ADGRB3: variants seen among roughly 807,000 people sequenced by gnomAD.
ADGRB3 encodes the protein adhesion G protein-coupled receptor B3, also known as brain-specific angiogenesis inhibitor 3.
ADGRB3 carries 37 observed loss-of-function variants against 193.4 expected under a neutral mutation model. The observed-to-expected ratio is 0.19, with a 90% CI of 0.15 to 0.25. The LOEUF is 0.25. Among genes scored for constraint, ADGRB3 ranks in the 10% least tolerant of loss-of-function variants. The pLI is 1.00. For missense variants in ADGRB3, 1,637 were observed against 1,852.9 expected, an observed-to-expected ratio of 0.88 and a Z score of 2.14; for synonymous variants, 690 against 644.2, an observed-to-expected ratio of 1.07 and a Z score of -1.08.
chr6:68,762,661 T>C (rs547363608), intron 3 of ADGRB3, among the ~76,000 whole-genome samples: 2 of 152,276 alleles, frequency 1.3e-5, no homozygotes, highest in African/African-American at 4.8e-5. Context: ...TGTCATACGA[T>C]ACTTAAGGTC....
intron 17 of ADGRB3, among the ~76,000 whole-genome samples, chr6:69,203,285 G>A (rs3799055): frequency 0.065 from 9,815 of 152,058 alleles, 857 homozygotes; most frequent in African/African-American, 0.19. Flanking sequence ...CATTATCATT[G>A]AGTAAGCTTT....
intron 17 of ADGRB3, among the ~76,000 whole-genome samples, chr6:69,194,203 T>C (rs1582534785): frequency 6.6e-6 from 1 of 152,084 alleles, no homozygotes; most frequent in East Asian, 1.9e-4. Context: ...AAGGAAACCT[T>C]ACCCAAAATA....
At chr6:68,868,506 C>A (rs1044943255) in intron 3 of ADGRB3, among the ~76,000 whole-genome samples, 3 of 152,128 alleles carry the variant, frequency 2.0e-5, no homozygotes, top group Admixed American at 6.5e-5. Flanking sequence ...AACCACAAAC[C>A]ATTTTATATA....
At chr6:69,166,761 C>G (rs1354606418) in intron 17 of ADGRB3, among the ~76,000 whole-genome samples, 3 of 152,084 alleles carry the variant, frequency 2.0e-5, no homozygotes, top group Non-Finnish European at 4.4e-5. Flanking sequence ...ATCATTAGGC[C>G]TGGTAGCTGT....
chr6:69,123,939 C>A (rs1342972182), intron 17 of ADGRB3, among the ~76,000 whole-genome samples: 4 of 152,118 alleles, frequency 2.6e-5, no homozygotes, highest in Non-Finnish European at 5.9e-5. Flanking sequence ...GGAAAGGGGA[C>A]TTACATAATT....
intron 3 of ADGRB3, among the ~76,000 whole-genome samples, chr6:68,789,175 G>T (rs1767045090): frequency 6.6e-6 from 1 of 152,000 alleles, no homozygotes; most frequent in Non-Finnish European, 1.5e-5. Flanking sequence ...ATATTGTTAT[G>T]TGTGAATTTG....
chr6:68,926,048 C>T (rs1433244041), intron 3 of ADGRB3, among the ~76,000 whole-genome samples: 1 of 151,964 alleles, frequency 6.6e-6, no homozygotes. Flanking sequence ...TTTTCAAGTA[C>T]TTCACAGATA....
At chr6:69,278,611 G>T (rs1767353397) in intron 20 of ADGRB3, among the ~76,000 whole-genome samples, 1 of 151,982 alleles carries the variant, frequency 6.6e-6, no homozygotes, top group Non-Finnish European at 1.5e-5. Context: ...GACTCTTTTG[G>T]ACTTAAGACA....
chr6:69,099,302 T>C (rs1772968597), intron 17 of ADGRB3, among the ~76,000 whole-genome samples: 1 of 152,240 alleles, frequency 6.6e-6, no homozygotes, highest in Non-Finnish European at 1.5e-5. Context: ...ACTGGTAAGT[T>C]TGTAAAGTCA....
chr6:68,974,090 AC>A (rs1768666825), intron 8 of ADGRB3, among the ~76,000 whole-genome samples: 1 of 152,118 alleles, frequency 6.6e-6, no homozygotes, highest in Non-Finnish European at 1.5e-5. Flanking sequence ...TTTATTTTTA[AC>A]ATTTAATAGT....
At chr6:69,208,636 C>A (rs891302432) in intron 17 of ADGRB3, among the ~76,000 whole-genome samples, 1 of 152,174 alleles carries the variant, frequency 6.6e-6, no homozygotes, top group Non-Finnish European at 1.5e-5. Context: ...AAGCCCTAGT[C>A]TTTTCTTCCT....
chr6:68,883,726 T>G (rs1562070394), intron 3 of ADGRB3, among the ~76,000 whole-genome samples: 1 of 152,014 alleles, frequency 6.6e-6, no homozygotes, highest in Non-Finnish European at 1.5e-5. Flanking sequence ...CTGAACATGT[T>G]TGAACATGAG....
intron 3 of ADGRB3, among the ~76,000 whole-genome samples, chr6:68,672,700 A>G (rs1768995049): frequency 6.6e-6 from 1 of 152,088 alleles, no homozygotes; most frequent in African/African-American, 2.4e-5. Flanking sequence ...CAAGTTGGCT[A>G]GTACATGGTA....
At chr6:69,019,279 C>G (rs938104785) in intron 13 of ADGRB3, among the ~76,000 whole-genome samples, 1 of 151,904 alleles carries the variant, frequency 6.6e-6, no homozygotes, top group African/African-American at 2.4e-5. Flanking sequence ...CTTTAATACT[C>G]TTAACATAAA....
At chr6:69,035,691 CAGGGAACATAGT>C (rs1380176928) in intron 13 of ADGRB3, among the ~76,000 whole-genome samples, 2 of 152,062 alleles carry the variant, frequency 1.3e-5, no homozygotes, top group Non-Finnish European at 2.9e-5. Flanking sequence ...ACAATGGAAG[CAGGGAACATAGT>C]GAGTTGTTTT....
chr6:68,877,310 A>T (rs558672193), intron 3 of ADGRB3, among the ~76,000 whole-genome samples: 2 of 152,080 alleles, frequency 1.3e-5, no homozygotes, highest in Non-Finnish European at 2.9e-5. Context: ...ATTTGAGAAC[A>T]GTTATAGATA....
chr6:69,140,286 A>C (rs951841893), intron 17 of ADGRB3, among the ~76,000 whole-genome samples: 10 of 152,258 alleles, frequency 6.6e-5, no homozygotes, highest in African/African-American at 2.4e-4. Flanking sequence ...AGAAGAGCAC[A>C]GGAAAGAACA....
At chr6:68,647,055 AT>A (rs1768233294) in intron 3 of ADGRB3, among the ~76,000 whole-genome samples, 1 of 152,202 alleles carries the variant, frequency 6.6e-6, no homozygotes. Context: ...ACAAAGCAAA[AT>A]TGAAATAAAA....
intron 3 of ADGRB3, among the ~76,000 whole-genome samples, chr6:68,886,170 A>G (rs1219179420): frequency 6.6e-6 from 1 of 152,146 alleles, no homozygotes; most frequent in Non-Finnish European, 1.5e-5. Flanking sequence ...AAGTACCTGT[A>G]TCTCCACTGT....
Sources: gnomAD v4.1 joint callset for allele counts (sites outside exome capture counted in the v4.1 genomes callset) on GRCh38, gnomAD v4.1.1 for gene constraint, MANE v1.5 for transcripts, NCBI Gene and HGNC (gene_info 2026-07-23, HGNC 2026-07-21) for gene names.